NADK: variants seen among roughly 807,000 people sequenced by gnomAD.
NADK encodes the protein poly(P)/ATP NAD kinase.
In NADK, 22 loss-of-function variants were observed where a neutral mutation model predicts 49.8. The observed-to-expected ratio is 0.44, with a 90% CI of 0.32 to 0.63. The LOEUF (loss-of-function observed/expected upper bound fraction) is 0.63. Ranked by LOEUF, NADK falls within the 30% of genes least tolerant of loss-of-function variation. The pLI is 0.06. For synonymous variants in NADK, 268 were observed against 253.7 expected (o/e 1.06, Z -0.54); for missense variants, 438 against 609.4 (o/e 0.72, Z 2.96).
chr1:1,754,802 C>T lies in NADK; in HGVS notation c.689-104G>A, dbSNP rs1380769212. 7.7e-6 allele frequency: 8 copies of T among 1,037,116 alleles called. No individual in the cohort carries two copies. Among genetic ancestry groups the T allele is most frequent in the Non-Finnish European group, 1.4e-6 (1 of 712,390 alleles). The allele number at this position is 1,037,116 out of a possible 1,614,324, so 64.2% of individuals were successfully genotyped here. ...GGAGTCAGAGGGCTCTTTCTTCTCC[C>T]AAGTTGACACACTTCTGTGCCTTTT... On this transcript the variant is annotated intron_variant, in intron 7 of 11. Coordinates refer to ENST00000341426, the MANE Select transcript of NADK (RefSeq NM_023018.5). The surrounding 1 kb of genome is among the most constrained non-coding windows in gnomAD (Gnocchi z 4.3).
chr1:1,776,045 TG>T (rs1405864119), intron 1 of NADK, among the ~76,000 whole-genome samples: 2 of 152,162 alleles, frequency 1.3e-5, no homozygotes, highest in African/African-American at 2.4e-5. Context: ...CCCCAAGTGC[TG>T]GGCTTGTGTG....
chr1:1,773,201 G>A (rs947736543), intron 1 of NADK, among the ~76,000 whole-genome samples: 7 of 151,204 alleles, frequency 4.6e-5, no homozygotes, highest in African/African-American at 7.3e-5. Flanking sequence ...GTGCAATGGC[G>A]CAATCTTGGC....
Position 1,752,780 on chromosome 1 carries a change from C to G in NADK, c.*124G>C. 2 of 1,172,594 alleles carry G rather than the reference C, an allele frequency of 1.7e-6. No individual in the cohort carries two copies. Among genetic ancestry groups the G allele is most frequent in the Non-Finnish European group, 2.4e-6 (2 of 828,272 alleles). 72.6% of individuals were successfully genotyped at this position (1,172,594 alleles called of 1,614,324 possible). ...ACAAAAGGCAGACCCAGGCTCTAAC[C>G]CAGCTACAGAAAGGAAGTGGCCGTG... On this transcript the variant is annotated 3_prime_UTR_variant, in exon 12 of 12. Coordinates refer to ENST00000341426, the MANE Select transcript of NADK (RefSeq NM_023018.5).
rs775878184 is a variant in NADK at position 1,754,140 on chromosome 1, G to C, written c.1012C>G (p.Pro338Ala). The C allele has an allele frequency of 6.2e-7, 1 of 1,612,160 alleles. No individual in the cohort carries two copies. ...GTGATCATGATGGCCGGCACGTTGGGGTGGATCATGGAGGCCCCGGCCGCG... is the reference window on the plus strand; with the variant it reads ...GTGATCATGATGGCCGGCACGTTGGCGTGGATCATGGAGGCCCCGGCCGCG... ...AAAAGASMIH[P>A]NVPAIMITPI... is the part of the protein sequence containing the mutation. Residue 338 changes from proline (P) to alanine (A), a missense_variant, in exon 10 of 12, where the codon CCC becomes GCC. Physicochemically the swap from Pro to Ala is conservative, Grantham distance 27. Transcript: ENST00000341426. The surrounding 1 kb of genome is among the most constrained non-coding windows in gnomAD (Gnocchi z 4.3).
chr1:1,759,205 G>GT, intron 3 of NADK: 2 of 1,575,268 alleles, frequency 1.3e-6, no homozygotes, highest in South Asian at 2.3e-5. Context: ...ACCGCTGTGT[G>GT]TGACCACAAA....
At chr1:1,758,558 A>G (rs1335906300) in intron 3 of NADK, 2 of 1,563,752 alleles carry the variant, frequency 1.3e-6, no homozygotes, top group Non-Finnish European at 1.7e-6. Context: ...GTGCGCCCAC[A>G]CTAGAAGCCT....
rs367818842 is a variant in NADK, at chr1:1,753,635, A to G, written c.1116T>C (p.Pro372=). Residue 372 remains proline (P), a synonymous_variant, in exon 11 of 12, where the codon CCT becomes CCC. Transcript: ENST00000341426. The part of the protein sequence containing the change: ...AGVELKIMLS[P]EARNTAWVSF... ...ACACCCATGCTGTGTTCCTTGCTTC[A>G]GGTGACAGCATGATCTGAGGGTCAA... The G allele has an allele frequency of 1.2e-6, 2 of 1,610,402 alleles. No homozygotes were observed. Among genetic ancestry groups the G allele is most frequent in the Non-Finnish European group, 1.7e-6 (2 of 1,178,082 alleles).
intron 3 of NADK, among the ~76,000 whole-genome samples, chr1:1,758,856 G>A (rs1645619713): frequency 6.6e-6 from 1 of 152,142 alleles, no homozygotes; most frequent in Non-Finnish European, 1.5e-5. Flanking sequence ...CCAGCCTCCA[G>A]CCTCGCCCCA....
intron 1 of NADK, among the ~76,000 whole-genome samples, 182 bp from the exon 2 acceptor site, chr1:1,765,628 TTGGCTGGGTGCCG>T (rs1645862734): frequency 6.6e-6 from 1 of 152,254 alleles, no homozygotes; most frequent in South Asian, 2.1e-4. Context: ...CTCTAGGTTT[TTGGCTGGGTGCCG>T]TGGCTCACGC....
At chr1:1,770,151 G>A (rs1355696275) in intron 1 of NADK, among the ~76,000 whole-genome samples, 1 of 151,670 alleles carries the variant, frequency 6.6e-6, no homozygotes, top group Non-Finnish European at 1.5e-5. Flanking sequence ...TCCAGCCTGG[G>A]TGACAGAGTG....
At chr1:1,761,647 G>C in intron 3 of NADK, 1 of 308,538 alleles carries the variant, frequency 3.2e-6, no homozygotes, top group Non-Finnish European at 6.4e-6. Context: ...CTGTGACCCG[G>C]TCTCCAGGCC....
intron 2 of NADK, among the ~76,000 whole-genome samples, chr1:1,763,162 C>T (rs779824075): frequency 6.6e-6 from 1 of 152,248 alleles, no homozygotes; most frequent in Admixed American, 6.5e-5. Context: ...TCAGTGGTCA[C>T]GGACTTGTTT....
At chr1:1,774,155 G>C (rs997987216) in intron 1 of NADK, among the ~76,000 whole-genome samples, 1 of 150,684 alleles carries the variant, frequency 6.6e-6, no homozygotes, top group African/African-American at 2.4e-5. Context: ...CTATGTATGT[G>C]TGTGTGTGTA....
chr1:1,772,948 G>A (rs1646095023), intron 1 of NADK, among the ~76,000 whole-genome samples: 1 of 151,456 alleles, frequency 6.6e-6, no homozygotes, highest in African/African-American at 2.4e-5. Context: ...GGCTGAGGCA[G>A]GAGAATCACT....
In NADK at chr1:1,753,037, T is replaced by TA. The variant is rs778737475; in HGVS notation, c.1207dup (p.Tyr403LeufsTer17). On this transcript the variant is annotated frameshift_variant, in exon 12 of 12. Transcript: ENST00000341426. LOFTEE classifies it high-confidence loss of function. ...CCGCACACAGATGGAGGGGAGCGGG[T>TA]AGCATGAGGTAGTGATGCTGATGCT... The TA allele has an allele frequency of 1.9e-6, 3 of 1,610,382 alleles. No homozygotes were observed. The highest frequency in any genetic ancestry group is 2.5e-6 in the Non-Finnish European group (3 of 1,178,740).
intron 1 of NADK, among the ~76,000 whole-genome samples, chr1:1,774,709 G>A (rs907092269): frequency 1.3e-5 from 2 of 152,198 alleles, no homozygotes; most frequent in Non-Finnish European, 2.9e-5. Context: ...AGTCAGGACT[G>A]ACACTTAATT....
intron 3 of NADK, among the ~76,000 whole-genome samples, chr1:1,761,200 C>G (rs192337125): frequency 6.6e-6 from 1 of 152,200 alleles, no homozygotes; most frequent in Non-Finnish European, 1.5e-5. Flanking sequence ...ACCATATTGG[C>G]CAGGCTGGTC....
Position 1,753,568 on chromosome 1 carries a change from T to C in NADK, c.1183A>G (p.Ser395Gly). 1 of 1,611,656 alleles carries C rather than the reference T, an allele frequency of 6.2e-7. No homozygotes were observed. The highest frequency in any genetic ancestry group is 8.5e-7 in the Non-Finnish European group (1 of 1,178,866). Reference protein sequence around the residue: ...RKRQEIRHGDSISITTSCYPL... With the variant: ...RKRQEIRHGDGISITTSCYPL... ...CCCAGCCCGGCATGCAGCCCACACC[T>C]GTCTCCATGGCGGATCTCTTGTCTC... The change falls in exon 11 of 12, where the codon AGC becomes GGC. Residue 395 changes from serine to glycine, a missense_variant and splice_region_variant. Physicochemically the swap from Ser to Gly is moderately conservative, Grantham distance 56 (BLOSUM62 0). Transcript: ENST00000341426.
At chr1:1,760,942 G>A (rs901605529) in intron 3 of NADK, among the ~76,000 whole-genome samples, 9 of 151,806 alleles carry the variant, frequency 5.9e-5, no homozygotes, top group Non-Finnish European at 1.3e-4. Flanking sequence ...TGATCCTCCC[G>A]CCCCAGCCTC....
Sources: allele counts gnomAD v4.1 joint callset (sites outside exome capture counted in the v4.1 genomes callset), GRCh38; gene constraint gnomAD v4.1.1; non-coding constraint Gnocchi (gnomAD v3.1); transcripts MANE v1.5; gene names NCBI Gene and HGNC (gene_info 2026-07-23, HGNC 2026-07-21).